The following PIK3C3 variants were observed in gnomAD, a reference collection of about 807,000 sequenced individuals.
The protein encoded by PIK3C3 is phosphatidylinositol 3-kinase catalytic subunit type 3, also known as PI3-kinase type 3.
In PIK3C3, 95 loss-of-function variants were observed where a neutral mutation model predicts 126.1. The observed-to-expected ratio is 0.75, with a 90% CI of 0.64 to 0.89. The LOEUF is 0.89. Ranked by LOEUF, PIK3C3 falls within the 40% of genes least tolerant of loss-of-function variation. The probability of loss-of-function intolerance (pLI) is 0.00; values close to 1 mark genes in which losing one functional copy is unlikely to be tolerated. For synonymous variants in PIK3C3, 374 were observed against 360.0 expected, an observed-to-expected ratio of 1.04 and a Z score of -0.44; for missense variants, 829 against 1,063.2, an observed-to-expected ratio of 0.78 and a Z score of 3.06.
rs1983620106 is a variant in PIK3C3, at chr18:42,027,425, G to A, written c.1485-18G>A. 6.9e-7 allele frequency: 1 copy of A among 1,441,112 alleles called. No individual in the cohort carries two copies. Among genetic ancestry groups the A allele is most frequent in the Non-Finnish European group, 9.7e-7 (1 of 1,032,552 alleles). The allele number at this position is 1,441,112 out of a possible 1,614,324, so 89.3% of individuals were successfully genotyped here. A position where few individuals can be genotyped will look rare whatever the true frequency, so the allele number is the denominator to read the frequency against. ...AGTTTCATTTCACATCACATGAATG[G>A]CTCAAACTATTTTTAAGGTATGTGA... is the stretch of plus-strand genomic sequence containing the variant. On this transcript the variant is annotated intron_variant, in intron 13 of 24. Transcript: ENST00000262039.
chr18:41,962,214 T>C (rs1239447629), intron 2 of PIK3C3, among the ~76,000 whole-genome samples: 1 of 152,214 alleles, frequency 6.6e-6, no homozygotes, highest in East Asian at 1.9e-4. Flanking sequence ...CAGGTTTTTT[T>C]CGCCATTATA....
chr18:41,968,276 A>C (rs1353277958), intron 3 of PIK3C3, among the ~76,000 whole-genome samples: 1 of 152,184 alleles, frequency 6.6e-6, no homozygotes, highest in Admixed American at 6.5e-5. Flanking sequence ...GGTACATTTA[A>C]GGATATTTAT....
At position 42,013,655 on chromosome 18, in the gene PIK3C3, G is replaced by GT. The variant is rs532251272; in HGVS notation, c.1325+63dup. On this transcript the variant is annotated intron_variant, in intron 11 of 24. Coordinates refer to ENST00000262039, the MANE Select transcript of PIK3C3 (RefSeq NM_002647.4). ...TTGTTAATTTTTCCCTTTTCAAATT[G>GT]TTTTCTCTTTTCCTTTCCTTAGATG... 1.4e-4 allele frequency: 186 copies of GT among 1,313,308 alleles called. No individual in the cohort carries two copies. The African/African-American group carries it at 2.5e-3, about 17-fold the overall frequency. 81.4% of individuals were successfully genotyped at this position (1,313,308 alleles called of 1,614,324 possible).
At chr18:41,978,621 C>T (rs962821753) in intron 4 of PIK3C3, among the ~76,000 whole-genome samples, 52 of 152,188 alleles carry the variant, frequency 3.4e-4, no homozygotes, top group African/African-American at 4.6e-4. Context: ...ATGCATTAAA[C>T]GCACATTGAA....
At position 42,015,226 on chromosome 18, in the gene PIK3C3, A is replaced by T. The variant is rs917802028; in HGVS notation, c.1326-250A>T. ...GGCTTAAACAAACAAACAAACAAACAAACAAACAGCACTTACCCAAACCTT... is the reference window on the plus strand; with the variant it reads ...GGCTTAAACAAACAAACAAACAAACTAACAAACAGCACTTACCCAAACCTT... On this transcript the variant is annotated intron_variant, in intron 11 of 24. Transcript: ENST00000262039. 2.6e-5 allele frequency among the ~76,000 whole-genome samples: 4 copies of T among 152,336 alleles called. No individual in the cohort carries two copies. The East Asian group carries it at 7.7e-4, about 29-fold the overall frequency.
At chr18:41,998,135 T>TTATTGA (rs1386284504) in intron 9 of PIK3C3, among the ~76,000 whole-genome samples, 1 of 152,184 alleles carries the variant, frequency 6.6e-6, no homozygotes, top group Non-Finnish European at 1.5e-5. Context: ...GCTTTGTCAT[T>TTATTGA]TATTGATGCC....
chr18:42,054,744 A>G (rs930423510), intron 21 of PIK3C3, among the ~76,000 whole-genome samples: 6 of 152,254 alleles, frequency 3.9e-5, no homozygotes, highest in East Asian at 3.9e-4. Flanking sequence ...GTTACATAAT[A>G]TGCCAGTAAC....
chr18:41,971,461 G>C (rs1266570950), intron 4 of PIK3C3: 1 of 152,052 alleles, frequency 6.6e-6, no homozygotes, highest in Non-Finnish European at 1.5e-5. Context: ...GTAGCAACCT[G>C]ATAACTATAT....
At chr18:41,975,444 G>T (rs1005212963) in intron 4 of PIK3C3, among the ~76,000 whole-genome samples, 4 of 152,098 alleles carry the variant, frequency 2.6e-5, no homozygotes, top group Admixed American at 2.6e-4. Context: ...CAGTGCACAT[G>T]TCGAACGTTT....
chr18:41,960,070 C>T (rs914863086), intron 2 of PIK3C3, among the ~76,000 whole-genome samples: 2 of 152,084 alleles, frequency 1.3e-5, no homozygotes, highest in Admixed American at 6.6e-5. Flanking sequence ...TATTTTAGGG[C>T]CAGTATGAGA....
chr18:42,004,024 C>T (rs1294963521), intron 9 of PIK3C3, among the ~76,000 whole-genome samples: 4 of 152,086 alleles, frequency 2.6e-5, no homozygotes, highest in East Asian at 1.9e-4. Context: ...TCTTAGAGTT[C>T]GTGAGAAATG....
chr18:41,976,125 A>G (rs1417816086), intron 4 of PIK3C3, among the ~76,000 whole-genome samples: 1 of 152,250 alleles, frequency 6.6e-6, no homozygotes, highest in Non-Finnish European at 1.5e-5. Context: ...AATCAAGATT[A>G]AGATAGCAAG....
At chr18:41,969,001 T>C (rs1437978984) in intron 3 of PIK3C3, among the ~76,000 whole-genome samples, 1 of 151,910 alleles carries the variant, frequency 6.6e-6, no homozygotes, top group Non-Finnish European at 1.5e-5. Flanking sequence ...TTTTATTTTT[T>C]AGAGATGGGG....
At position 41,957,718 on chromosome 18, in the gene PIK3C3, C is replaced by A; in HGVS notation, c.217C>A (p.Pro73Thr). The A allele has an allele frequency of 3.1e-6, 5 of 1,613,172 alleles. No individual in the cohort carries two copies. Among genetic ancestry groups the A allele is most frequent in the South Asian group, 1.1e-5 (1 of 90,988 alleles). The part of the protein sequence containing the change: ...VFAEGKPLAL[P>T]VRTSYKAFST... ...TGCAGAAGGGAAGCCTTTGGCCTTG[C>A]CAGTGAGAACATCCTACAAAGCATT... Residue 73 changes from proline (P) to threonine (T), a missense_variant, in exon 2 of 25, where the codon CCA becomes ACA. Pro to Thr is a conservative substitution (Grantham distance 38). Around this residue, in one of 4 missense-constraint regions of PIK3C3, gnomAD observed 313 missense variants for 340.7 expected, o/e 0.92. Coordinates refer to ENST00000262039, the MANE Select transcript of PIK3C3 (RefSeq NM_002647.4).
intron 9 of PIK3C3, among the ~76,000 whole-genome samples, chr18:41,998,912 T>C (rs1263838495): frequency 6.6e-6 from 1 of 152,154 alleles, no homozygotes; most frequent in African/African-American, 2.4e-5. Flanking sequence ...AGCGTCAGAC[T>C]CTCAGAAATT....
intron 8 of PIK3C3, 31 bp downstream of exon 8, chr18:41,996,025 A>G (rs767058109): frequency 1.4e-6 from 2 of 1,400,520 alleles, no homozygotes; most frequent in Non-Finnish European, 2.0e-6. Flanking sequence ...TAATTTAAAA[A>G]TAGTTAAATG....
intron 10 of PIK3C3, among the ~76,000 whole-genome samples, chr18:42,005,320 G>A (rs1312619853): frequency 6.6e-6 from 1 of 152,148 alleles, no homozygotes; most frequent in African/African-American, 2.4e-5. Flanking sequence ...AAGTATTTGT[G>A]TATCTAAACA....
chr18:41,994,123 T>C (rs1981913787), intron 7 of PIK3C3, among the ~76,000 whole-genome samples: 1 of 152,074 alleles, frequency 6.6e-6, no homozygotes, highest in South Asian at 2.1e-4. Context: ...AACATGATGA[T>C]TGAGATAAGT....
At chr18:42,076,213 T>C (rs1353495327) in intron 24 of PIK3C3, among the ~76,000 whole-genome samples, 1 of 141,014 alleles carries the variant, frequency 7.1e-6, no homozygotes, top group African/African-American at 2.7e-5. Flanking sequence ...TATATGCACA[T>C]ATATATATGC....
Sources: allele counts gnomAD v4.1 joint callset (sites outside exome capture counted in the v4.1 genomes callset), GRCh38; gene constraint gnomAD v4.1.1; regional missense constraint gnomAD v4.1.1; transcripts MANE v1.5; gene names NCBI Gene and HGNC (gene_info 2026-07-23, HGNC 2026-07-21).